The following FAF1 variants were observed in gnomAD, a reference collection of about 807,000 sequenced individuals.
The protein encoded by FAF1 is FAS-associated factor 1.
A neutral mutation model predicts 92.5 loss-of-function variants in FAF1; 25 were observed. The ratio of observed to expected loss-of-function variants is 0.27; its 90% confidence interval spans 0.20 to 0.38. FAF1 has a LOEUF of 0.38. FAF1 is among the 10% of genes least tolerant of loss of function. FAF1 has a pLI of 1.00. For missense variants in FAF1, 636 were observed against 793.3 expected, an observed-to-expected ratio of 0.80 and a Z score of 2.38; for synonymous variants, 234 against 273.2, an observed-to-expected ratio of 0.86 and a Z score of 1.42.
At chr1:50,696,649 T>C (rs1025407572) in intron 7 of FAF1, among the ~76,000 whole-genome samples, 5 of 152,214 alleles carry the variant, frequency 3.3e-5, no homozygotes, top group African/African-American at 1.2e-4. Context: ...ACTAAAACTG[T>C]ACTGGCATTT....
intron 2 of FAF1, among the ~76,000 whole-genome samples, chr1:50,853,684 A>T (rs1349343144): frequency 1.3e-5 from 2 of 152,116 alleles, no homozygotes; most frequent in East Asian, 3.8e-4. Context: ...TATGTCAGAT[A>T]TCTTTCCCTG....
At chr1:50,504,362 C>T (rs1415818592) in intron 15 of FAF1, among the ~76,000 whole-genome samples, 1 of 149,314 alleles carries the variant, frequency 6.7e-6, no homozygotes, top group Non-Finnish European at 1.5e-5. Context: ...AAGTACCCAA[C>T]ATCAATTTCA....
chr1:50,465,660 G>A (rs1232357548), intron 18 of FAF1, among the ~76,000 whole-genome samples: 4 of 152,126 alleles, frequency 2.6e-5, no homozygotes, highest in Non-Finnish European at 5.9e-5. Context: ...AGGATAAGAG[G>A]AATAGGGGTT....
intron 13 of FAF1, among the ~76,000 whole-genome samples, chr1:50,541,661 A>G (rs1648762394): frequency 6.6e-6 from 1 of 152,192 alleles, no homozygotes; most frequent in African/African-American, 2.4e-5. Flanking sequence ...TTAAGCAGAT[A>G]TAACAAATTA....
At chr1:50,953,949 CATT>C (rs1645242467) in intron 1 of FAF1, among the ~76,000 whole-genome samples, 1 of 150,508 alleles carries the variant, frequency 6.6e-6, no homozygotes, top group Non-Finnish European at 1.5e-5. Flanking sequence ...AGAAAGAATA[CATT>C]TTTTTTTTTT....
chr1:50,514,967 T>C (rs1216964048), intron 15 of FAF1, among the ~76,000 whole-genome samples: 1 of 152,178 alleles, frequency 6.6e-6, no homozygotes, highest in Non-Finnish European at 1.5e-5. Context: ...ACTCACAGAT[T>C]ATGGCATTAA....
intron 6 of FAF1, among the ~76,000 whole-genome samples, chr1:50,729,058 A>ATATATTTTTTTTT (rs1375923156): frequency 5.7e-5 from 4 of 70,128 alleles, no homozygotes; most frequent in African/African-American, 1.8e-4. Flanking sequence ...ATATATATAT[A>ATATATTTTTTTTT]TTTTTTTTTT....
intron 1 of FAF1, among the ~76,000 whole-genome samples, chr1:50,902,301 A>G (rs1353703497): frequency 6.6e-6 from 1 of 152,226 alleles, no homozygotes; most frequent in African/African-American, 2.4e-5. Context: ...AGCATCTGAA[A>G]TATGTGTAAT....
intron 2 of FAF1, among the ~76,000 whole-genome samples, chr1:50,836,189 T>TTTTTTTTTTG (rs1553144967): frequency 2.0e-5 from 3 of 146,806 alleles, no homozygotes; most frequent in African/African-American, 7.7e-5. Context: ...TTTTTTTTTT[T>TTTTTTTTTTG]AGACAGGGTC....
chr1:50,781,299 A>G (rs899532468), intron 4 of FAF1: 1 of 152,074 alleles, frequency 6.6e-6, no homozygotes, highest in African/African-American at 2.5e-5. Flanking sequence ...AAATCACTTC[A>G]AAAAGAAAAA....
At chr1:50,622,170 A>T (rs1653243980) in intron 8 of FAF1, among the ~76,000 whole-genome samples, 1 of 151,728 alleles carries the variant, frequency 6.6e-6, no homozygotes, top group Non-Finnish European at 1.5e-5. Flanking sequence ...ATCTCAAAAA[A>T]AAAAAAATAA....
intron 2 of FAF1, among the ~76,000 whole-genome samples, chr1:50,847,516 G>C (rs1192477139): frequency 1.3e-5 from 2 of 149,358 alleles, no homozygotes; most frequent in African/African-American, 2.4e-5. Context: ...TGAAATTGAA[G>C]ATAGATCTAT....
intron 17 of FAF1, among the ~76,000 whole-genome samples, chr1:50,477,807 G>A (rs1349513108): frequency 1.3e-5 from 2 of 152,180 alleles, no homozygotes; most frequent in Non-Finnish European, 2.9e-5. Flanking sequence ...CAAATACAGT[G>A]CATAGCACAA....
chr1:50,639,081 A>G (rs1404277736), intron 8 of FAF1, among the ~76,000 whole-genome samples: 3 of 152,210 alleles, frequency 2.0e-5, no homozygotes, highest in African/African-American at 7.2e-5. Context: ...ACAGTGATGT[A>G]GTCTTTGTGC....
At chr1:50,832,428 T>C (rs1570022173) in intron 2 of FAF1, among the ~76,000 whole-genome samples, 1 of 152,312 alleles carries the variant, frequency 6.6e-6, no homozygotes, top group African/African-American at 2.4e-5. Context: ...TAAAGAAAGA[T>C]TTCTAGCTCT....
chr1:50,625,730 G>A (rs2124191385), intron 8 of FAF1, among the ~76,000 whole-genome samples: 1 of 152,326 alleles, frequency 6.6e-6, no homozygotes, highest in South Asian at 2.1e-4. Context: ...GAGGAACACA[G>A]GTAGGAAGGG....
chr1:50,442,430 G>T (rs1389916477), intron 18 of FAF1, among the ~76,000 whole-genome samples: 1 of 152,210 alleles, frequency 6.6e-6, no homozygotes, highest in Admixed American at 6.5e-5. Flanking sequence ...AGGACTCATT[G>T]TGAGAATTAA....
intron 7 of FAF1, among the ~76,000 whole-genome samples, chr1:50,698,190 G>C (rs1359748029): frequency 6.6e-6 from 1 of 152,020 alleles, no homozygotes; most frequent in African/African-American, 2.4e-5. Context: ...GGGGAGGAAT[G>C]AAGAGGTTGG....
At chr1:50,865,734 T>C (rs1644475999) in intron 1 of FAF1, among the ~76,000 whole-genome samples, 1 of 133,442 alleles carries the variant, frequency 7.5e-6, no homozygotes, top group Non-Finnish European at 1.6e-5. Flanking sequence ...ATATACCTAA[T>C]GCTAAATGAC....
Sources: allele counts gnomAD v4.1 joint callset (sites outside exome capture counted in the v4.1 genomes callset), GRCh38; gene constraint gnomAD v4.1.1; transcripts MANE v1.5; gene names NCBI Gene and HGNC (gene_info 2026-07-23, HGNC 2026-07-21).